Variants in KIAA1217 observed in about 807,000 individuals in gnomAD.
The protein encoded by KIAA1217 is KIAA1217, also known as sickle tail protein homolog.
In KIAA1217, 88 loss-of-function variants were observed where a neutral mutation model predicts 163.9. The observed-to-expected ratio is 0.54, with a 90% CI of 0.45 to 0.64. The LOEUF (loss-of-function observed/expected upper bound fraction) is 0.64, where lower values mean the gene tolerates loss of function less well. Ranked by LOEUF, KIAA1217 falls within the 30% of genes least tolerant of loss-of-function variation. KIAA1217 has a pLI of 0.00. For missense variants in KIAA1217, 2,372 were observed against 2,475.0 expected (o/e 0.96, Z 0.88); for synonymous variants, 903 against 923.1 (o/e 0.98, Z 0.39).
chr10:23,959,133 A>G (rs1288726368), intron 1 of KIAA1217, among the ~76,000 whole-genome samples: 1 of 151,964 alleles, frequency 6.6e-6, no homozygotes, highest in Non-Finnish European at 1.5e-5. Flanking sequence ...ACTGTGACCT[A>G]TGTGCTGAAT....
At chr10:23,930,103 CATT>C (rs1471877521) in intron 1 of KIAA1217, among the ~76,000 whole-genome samples, 2 of 151,922 alleles carry the variant, frequency 1.3e-5, no homozygotes, top group African/African-American at 4.8e-5. Flanking sequence ...GATGATATCT[CATT>C]GTGGTTTTAA....
At chr10:24,377,651 T>TA (rs1451723529) in intron 2 of KIAA1217, among the ~76,000 whole-genome samples, 2 of 152,174 alleles carry the variant, frequency 1.3e-5, no homozygotes, top group Non-Finnish European at 2.9e-5. Context: ...CTTTGCAAAA[T>TA]AAAATCAACA....
intron 2 of KIAA1217, among the ~76,000 whole-genome samples, chr10:24,147,668 T>C (rs12245786): frequency 0.48 from 71,680 of 150,842 alleles, 18,426 homozygotes; most frequent in African/African-American, 0.69. Context: ...CATGACGAAA[T>C]CCAGTCTCCA....
chr10:24,472,504 G>A (rs931260534), intron 5 of KIAA1217, among the ~76,000 whole-genome samples: 6 of 152,124 alleles, frequency 3.9e-5, no homozygotes, highest in African/African-American at 1.2e-4. Context: ...GTAGAAAAAC[G>A]TGCTCAGGAC....
At chr10:23,879,623 A>G (rs1392218182) in intron 1 of KIAA1217, among the ~76,000 whole-genome samples, 1 of 151,940 alleles carries the variant, frequency 6.6e-6, no homozygotes, top group African/African-American at 2.4e-5. Flanking sequence ...GCTGGAGTGG[A>G]TTCAAGAGAG....
rs192945924 is a variant in KIAA1217, at chr10:23,773,115, C to T, written c.-321+77881C>T. On this transcript the variant is annotated intron_variant, in intron 1 of 18. Transcript: ENST00000376462. ...TGAGGAAGAGAAAAACAGGGATGGG[C>T]TGGAGAGAGGGATATGATTGACTGA... Among the ~76,000 whole-genome samples the T allele has an allele frequency of 1.4e-4, 21 of 152,144 alleles. No homozygotes were observed. In the East Asian group the frequency reaches 4.1e-3, roughly 29 times the overall value.
intron 1 of KIAA1217, among the ~76,000 whole-genome samples, chr10:23,750,098 A>C (rs1056084660): frequency 6.6e-6 from 1 of 151,652 alleles, no homozygotes; most frequent in African/African-American, 2.4e-5. Context: ...GGCCATCATC[A>C]TCTACTACCT....
chr10:23,970,415 G>C (rs1386907671), intron 1 of KIAA1217, among the ~76,000 whole-genome samples: 3 of 152,182 alleles, frequency 2.0e-5, no homozygotes, highest in Non-Finnish European at 4.4e-5. Flanking sequence ...GATCTCATTT[G>C]TATGTGGAGT....
At chr10:24,031,307 A>T (rs1170011176) in intron 2 of KIAA1217, among the ~76,000 whole-genome samples, 1 of 152,020 alleles carries the variant, frequency 6.6e-6, no homozygotes, top group Non-Finnish European at 1.5e-5. Context: ...GCATTCATTC[A>T]TTCATTTATT....
intron 2 of KIAA1217, among the ~76,000 whole-genome samples, chr10:24,085,562 G>A (rs2061670816): frequency 6.6e-6 from 1 of 151,950 alleles, no homozygotes. Flanking sequence ...CTGCTACTCT[G>A]TTCATCATGG....
chr10:23,753,692 G>A (rs1301093546), intron 1 of KIAA1217, among the ~76,000 whole-genome samples: 1 of 152,090 alleles, frequency 6.6e-6, no homozygotes, highest in East Asian at 1.9e-4. Flanking sequence ...TTGATAATAA[G>A]CAAATTAATC....
At chr10:23,725,699 A>G (rs1317342203) in intron 1 of KIAA1217, among the ~76,000 whole-genome samples, 1 of 152,202 alleles carries the variant, frequency 6.6e-6, no homozygotes, top group Non-Finnish European at 1.5e-5. Flanking sequence ...AGAACAACAC[A>G]TGTCATTTTG....
intron 2 of KIAA1217, among the ~76,000 whole-genome samples, chr10:24,126,104 A>G (rs1277434767): frequency 6.6e-5 from 10 of 152,226 alleles, no homozygotes; most frequent in Admixed American, 6.5e-4. Flanking sequence ...GGCATATATC[A>G]TTAAATAATG....
intron 1 of KIAA1217, among the ~76,000 whole-genome samples, chr10:23,824,505 C>G (rs80148627): frequency 0.28 from 40,847 of 143,926 alleles, 6,926 homozygotes; most frequent in African/African-American, 0.44. Flanking sequence ...ACATGGGCCT[C>G]TAATCCCAGC....
At chr10:23,961,865 C>T (rs1165005472) in intron 1 of KIAA1217, among the ~76,000 whole-genome samples, 1 of 152,136 alleles carries the variant, frequency 6.6e-6, no homozygotes, top group Non-Finnish European at 1.5e-5. Flanking sequence ...TGCAGGTGCT[C>T]GTCATCTCCC....
intron 2 of KIAA1217, among the ~76,000 whole-genome samples, chr10:24,230,829 T>G (rs1243814916): frequency 1.3e-5 from 2 of 152,158 alleles, no homozygotes; most frequent in African/African-American, 4.8e-5. Context: ...GGCACTACTA[T>G]TAACTATAGT....
At chr10:23,915,725 A>G (rs1842611207) in intron 1 of KIAA1217, among the ~76,000 whole-genome samples, 1 of 152,204 alleles carries the variant, frequency 6.6e-6, no homozygotes, top group Non-Finnish European at 1.5e-5. Flanking sequence ...ATGGAATGGT[A>G]ACCTAGGGCA....
At chr10:24,174,043 T>C (rs1197853577) in intron 2 of KIAA1217, among the ~76,000 whole-genome samples, 1 of 152,212 alleles carries the variant, frequency 6.6e-6, no homozygotes, top group Non-Finnish European at 1.5e-5. Context: ...CTAATTCCAG[T>C]TGATCTCTGT....
intron 3 of KIAA1217, among the ~76,000 whole-genome samples, chr10:24,432,690 A>G (rs1274565826): frequency 1.3e-5 from 2 of 152,090 alleles, no homozygotes; most frequent in Non-Finnish European, 2.9e-5. Flanking sequence ...CCTGGCCTCA[A>G]GCAATCCTCT....
Sources: allele counts gnomAD v4.1 joint callset (sites outside exome capture counted in the v4.1 genomes callset), GRCh38; gene constraint gnomAD v4.1.1; transcripts MANE v1.5; gene names NCBI Gene and HGNC (gene_info 2026-07-23, HGNC 2026-07-21).